Variants in HCCS observed in about 807,000 individuals in gnomAD.
HCCS encodes the protein holocytochrome c-type synthase.
Under a neutral mutation model 24.2 loss-of-function variants are expected in HCCS, and 2 were observed. The ratio of observed to expected loss-of-function variants is 0.08; its 90% CI spans 0.03 to 0.26. The LOEUF is 0.26. Among genes scored for constraint, HCCS ranks in the 10% least tolerant of loss-of-function variants. The pLI is 1.00. For missense variants in HCCS, 150 were observed against 213.3 expected (o/e 0.70, Z 1.85); for synonymous variants, 73 against 76.2 (o/e 0.96, Z 0.22).
chrX:11,122,155 T>A lies in HCCS; in HGVS notation c.*345T>A. On this transcript the variant is annotated 3_prime_UTR_variant, in exon 7 of 7. Transcript: ENST00000380762. Reference sequence around the variant, plus strand: ...AGTGATGAAAGTTGCTTTTTTTTCTTACTATTTTCTCAGGAATACTCCAGA... The same window carrying A: ...AGTGATGAAAGTTGCTTTTTTTTCTAACTATTTTCTCAGGAATACTCCAGA... 5.0e-6 allele frequency: 1 copy of A among 199,008 alleles called. No individual in the cohort carries two copies. Among genetic ancestry groups the A allele is most frequent in the African/African-American group, 2.9e-5 (1 of 34,094 alleles). 16.4% of individuals were successfully genotyped at this position (199,008 alleles called of 1,213,427 possible).
chrX:11,113,376 A>G (rs964876940), intron 2 of HCCS, among the ~76,000 whole-genome samples: 2 of 112,517 alleles, frequency 1.8e-5, no homozygotes, highest in African/African-American at 3.2e-5. Context: ...TTCATAAGCT[A>G]TGTGGTCTTA....
chrX:11,111,625 C>T, intron 1 of HCCS, 107 bp downstream of exon 1: 1 of 167,707 alleles, frequency 6.0e-6, no homozygotes, highest in Non-Finnish European at 1.1e-5. Flanking sequence ...CCTTCTCGGA[C>T]CCCCAGCCCC....
chrX:11,119,429 C>T (rs954679650), intron 5 of HCCS, among the ~76,000 whole-genome samples: 1 of 111,504 alleles, frequency 9.0e-6, no homozygotes, highest in Non-Finnish European at 1.9e-5. Context: ...TTTGTTAAAA[C>T]CCAGCATGCT....
rs1012253804 is a variant in HCCS, at chrX:11,118,430, G to A, written c.402-71G>A. ...GGGAATGTTGAATAAATCATCTTAT[G>A]AAAATATGTGGATTAACTTTATGGC... On this transcript the variant is annotated intron_variant, in intron 4 of 6. Transcript: ENST00000380762. The A allele has an allele frequency of 8.3e-6, 8 of 962,517 alleles. No individual in the cohort carries two copies. The African/African-American group carries it at 1.1e-4, about 14-fold the overall frequency. 79.3% of individuals were successfully genotyped at this position (962,517 alleles called of 1,213,427 possible).
chrX:11,118,062 G>T (rs1029817861), intron 4 of HCCS, among the ~76,000 whole-genome samples: 24 of 112,180 alleles, frequency 2.1e-4, no homozygotes, highest in African/African-American at 6.8e-4. Flanking sequence ...TGGGCATCCT[G>T]TGGCATAGTC....
At chrX:11,117,559 C>A in intron 4 of HCCS, 144 bp downstream of exon 4, 1 of 522,764 alleles carries the variant, frequency 1.9e-6, no homozygotes, top group Non-Finnish European at 3.2e-6. Context: ...TCACACCTGT[C>A]AGAATGTAAG....
rs2045406953 is a variant in HCCS, at chrX:11,111,375, G to GCGA, written c.-184_-183insACG. On this transcript the variant is annotated 5_prime_UTR_variant, in exon 1 of 7. Coordinates refer to ENST00000380762, the MANE Select transcript of HCCS (RefSeq NM_005333.5). ...GAGGAAGGCGGCGGCGGCGGCGGCG[G>GCGA]CGGCGTGAAGTCACTGCTGCTCTGG... 1.1e-4 allele frequency: 19 copies of GCGA among 175,665 alleles called. No individual in the cohort carries two copies. In the South Asian group the frequency reaches 1.6e-3, roughly 14 times the overall value. 14.5% of individuals were successfully genotyped at this position (175,665 alleles called of 1,213,427 possible). A position where few individuals can be genotyped will look rare whatever the true frequency, so the allele number is the denominator to read the frequency against.
At chrX:11,113,825 C>G (rs2045429958) in intron 2 of HCCS, among the ~76,000 whole-genome samples, 1 of 112,355 alleles carries the variant, frequency 8.9e-6, no homozygotes, top group African/African-American at 3.2e-5. Flanking sequence ...AAAGGCATAG[C>G]AAGTCTTCCT....
chrX:11,117,749 C>T (rs1299184500), intron 4 of HCCS, among the ~76,000 whole-genome samples: 2 of 111,711 alleles, frequency 1.8e-5, no homozygotes, highest in African/African-American at 6.5e-5. Flanking sequence ...CGAGGAGAGC[C>T]GATGGCACAC....
intron 3 of HCCS, among the ~76,000 whole-genome samples, chrX:11,116,992 G>T (rs746594380): frequency 8.9e-6 from 1 of 112,151 alleles, no homozygotes; most frequent in South Asian, 3.7e-4. Flanking sequence ...CTTATTCCTT[G>T]GTGACATTAC....
At chrX:11,118,966 G>A (rs1461962426) in intron 5 of HCCS, among the ~76,000 whole-genome samples, 2 of 111,676 alleles carry the variant, frequency 1.8e-5, no homozygotes, top group Non-Finnish European at 3.8e-5. Flanking sequence ...CCTCTGGCGA[G>A]TGGTCATGGC....
chrX:11,120,311 T>A (rs1183266659), intron 5 of HCCS, among the ~76,000 whole-genome samples: 1 of 111,353 alleles, frequency 9.0e-6, no homozygotes, highest in Non-Finnish European at 1.9e-5. Flanking sequence ...CCCTGGTGCC[T>A]ACAGAGGGCT....
chrX:11,117,159 A>T, intron 3 of HCCS, 108 bp from the exon 4 acceptor site: 1 of 677,648 alleles, frequency 1.5e-6, no homozygotes, highest in Non-Finnish European at 2.4e-6. Flanking sequence ...TCACTGATTT[A>T]ATAAGTAATC....
chrX:11,118,833 A>C (rs770057747), intron 5 of HCCS, among the ~76,000 whole-genome samples: 1 of 111,885 alleles, frequency 8.9e-6, no homozygotes, highest in East Asian at 2.8e-4. Context: ...TGGGTAGCCA[A>C]GGACAGGGCA....
chrX:11,123,045 T>C lies in HCCS; in HGVS notation c.*1235T>C, dbSNP rs1452776365. The C allele has an allele frequency of 8.9e-6, 1 of 111,945 alleles. No individual in the cohort carries two copies. Among genetic ancestry groups the C allele is most frequent in the African/African-American group, 3.3e-5 (1 of 30,752 alleles). The allele number at this position is 111,945 out of a possible 1,213,427, so 9.2% of individuals were successfully genotyped here. On this transcript the variant is annotated 3_prime_UTR_variant, in exon 7 of 7. Coordinates refer to ENST00000380762, the MANE Select transcript of HCCS (RefSeq NM_005333.5). The stretch of plus-strand genomic sequence containing the variant: ...TAAACTCTACATTTCAAAATACTTG[T>C]ATATTTTAAAATAAAGCTGATTAGT...
intron 1 of HCCS, 97 bp from the exon 2 acceptor site, chrX:11,111,922 G>T (rs2045410850): frequency 7.6e-6 from 4 of 524,592 alleles, no homozygotes; most frequent in South Asian, 5.0e-5. Flanking sequence ...AGATGCCCAT[G>T]GGATGACAAA....
Position 11,118,615 on chromosome X carries a change from T to C in HCCS, c.516T>C (p.His172=), listed in dbSNP as rs1436419056. 1 of 1,207,835 alleles carries C rather than the reference T, an allele frequency of 8.3e-7. No individual in the cohort carries two copies. Among genetic ancestry groups the C allele is most frequent in the Admixed American group, 2.2e-5 (1 of 46,080 alleles). ...WKEILKWEAL[H]AAECPCGPSL... ...AGATTTTGAAGTGGGAAGCCCTTCA[T>C]GCTGCGTAAGTATGTTTGAGATCTT... Residue 172 remains histidine (H), a synonymous_variant, in exon 5 of 7, where the codon CAT becomes CAC. Transcript: ENST00000380762.
At chrX:11,113,289 G>A (rs2045425939) in intron 2 of HCCS, among the ~76,000 whole-genome samples, 1 of 112,290 alleles carries the variant, frequency 8.9e-6, no homozygotes, top group South Asian at 3.7e-4. Context: ...AAGCATTGCT[G>A]GATTTTGTTT....
intron 2 of HCCS, among the ~76,000 whole-genome samples, chrX:11,112,513 G>T (rs2045417448): frequency 1.8e-5 from 2 of 112,067 alleles, no homozygotes; most frequent in Non-Finnish European, 3.8e-5. Context: ...AAAGGAAGAG[G>T]CAGTGTAGTA....
Sources: allele counts gnomAD v4.1 joint callset (sites outside exome capture counted in the v4.1 genomes callset), GRCh38; gene constraint gnomAD v4.1.1; transcripts MANE v1.5; gene names NCBI Gene and HGNC (gene_info 2026-07-23, HGNC 2026-07-21).